HS3ST2: variants seen among roughly 807,000 people sequenced by gnomAD.
HS3ST2 encodes heparan sulfate glucosamine 3-O-sulfotransferase 2.
Under a neutral mutation model 26.3 loss-of-function variants are expected in HS3ST2, and 17 were observed. The ratio of observed to expected loss-of-function variants is 0.65; its 90% CI spans 0.44 to 0.97. HS3ST2 has a LOEUF of 0.97. Among genes scored for constraint, HS3ST2 ranks in the 50% least tolerant of loss-of-function variants. The pLI is 0.00. For synonymous variants in HS3ST2, 237 were observed against 219.2 expected (o/e 1.08, Z -0.72); for missense variants, 402 against 501.2 (o/e 0.80, Z 1.89).
At chr16:22,830,421 T>C (rs899607732) in intron 1 of HS3ST2, among the ~76,000 whole-genome samples, 1 of 152,150 alleles carries the variant, frequency 6.6e-6, no homozygotes, top group Non-Finnish European at 1.5e-5. Context: ...GGGTGCACCA[T>C]AAAGATCAGC....
At chr16:22,824,403 C>T (rs1043341671) in intron 1 of HS3ST2, among the ~76,000 whole-genome samples, 5 of 151,912 alleles carry the variant, frequency 3.3e-5, no homozygotes, top group Admixed American at 6.6e-5. Context: ...AAAAATTAGC[C>T]GGGCGTGGTG....
At chr16:22,864,506 G>A (rs1901720733) in intron 1 of HS3ST2, among the ~76,000 whole-genome samples, 1 of 152,192 alleles carries the variant, frequency 6.6e-6, no homozygotes, top group Admixed American at 6.5e-5. Context: ...AGCCAAGTGT[G>A]TGTAGCTGGT....
intron 1 of HS3ST2, among the ~76,000 whole-genome samples, chr16:22,853,236 A>G (rs1447604036): frequency 6.6e-6 from 1 of 152,122 alleles, no homozygotes; most frequent in Admixed American, 6.5e-5. Flanking sequence ...TCTGTCTCCT[A>G]TCACCAAAGA....
rs1465102323 is a variant in HS3ST2 at position 22,814,830 on chromosome 16, G to T, written c.220G>T (p.Asp74Tyr). The T allele has an allele frequency of 6.4e-7, 1 of 1,574,112 alleles. No individual in the cohort carries two copies. The highest frequency in any genetic ancestry group is 8.6e-7 in the Non-Finnish European group (1 of 1,160,702). ...ACTTCTCCAGAAGTCCCGCCCCTGT[G>T]ATCCCTCCGGGCCGACGCCCAGCGA... ...QKLLQKSRPCDPSGPTPSEPS... is the reference protein window; with the variant it reads ...QKLLQKSRPCYPSGPTPSEPS... Residue 74 changes from aspartate to tyrosine, a missense_variant, in exon 1 of 2, where the codon GAT becomes TAT. This residue lies in a region of HS3ST2 where 165 missense variants were observed against 154.6 expected (regional missense o/e 1.07). Coordinates refer to ENST00000261374, the MANE Select transcript of HS3ST2 (RefSeq NM_006043.2).
chr16:22,895,070 C>CTTTTTTT (rs55861016), intron 1 of HS3ST2, among the ~76,000 whole-genome samples: 1 of 134,712 alleles, frequency 7.4e-6, no homozygotes, highest in African/African-American at 2.7e-5. Context: ...TTCTTTCTTT[C>CTTTTTTT]TTTTTTTTTT....
At chr16:22,870,083 G>A (rs888839330) in intron 1 of HS3ST2, among the ~76,000 whole-genome samples, 1 of 152,166 alleles carries the variant, frequency 6.6e-6, no homozygotes, top group Non-Finnish European at 1.5e-5. Context: ...CTGAGGCTTA[G>A]AGAGAGATTT....
rs536039042 is a variant in HS3ST2 at position 22,844,896 on chromosome 16, C to T, written c.485+29801C>T. On this transcript the variant is annotated intron_variant, in intron 1 of 1. Transcript: ENST00000261374. ...TTGAGATGGAGTCTCAGTCTGTTGC[C>T]CAGGCTGGAGTGCAGTGGCGTGATC... 1.3e-4 allele frequency among the ~76,000 whole-genome samples: 19 copies of T among 151,810 alleles called. No homozygotes were observed. In the South Asian group the frequency reaches 3.8e-3, roughly 30 times the overall value.
intron 1 of HS3ST2, among the ~76,000 whole-genome samples, chr16:22,860,600 C>A (rs1221372509): frequency 6.6e-6 from 1 of 152,014 alleles, no homozygotes; most frequent in Non-Finnish European, 1.5e-5. Flanking sequence ...CAGGAATTGC[C>A]ATCTATTTTG....
At chr16:22,816,993 C>A (rs1567477698) in intron 1 of HS3ST2, among the ~76,000 whole-genome samples, 1 of 152,176 alleles carries the variant, frequency 6.6e-6, no homozygotes, top group Non-Finnish European at 1.5e-5. Flanking sequence ...ATACCTCAGG[C>A]TTCCATCCTG....
chr16:22,822,690 C>T (rs2141175048), intron 1 of HS3ST2, among the ~76,000 whole-genome samples: 1 of 151,978 alleles, frequency 6.6e-6, no homozygotes, highest in South Asian at 2.1e-4. Context: ...CCCATCTCTA[C>T]TAAAAATACA....
At chr16:22,839,096 C>T (rs930691529) in intron 1 of HS3ST2, among the ~76,000 whole-genome samples, 3 of 152,228 alleles carry the variant, frequency 2.0e-5, no homozygotes, top group Non-Finnish European at 4.4e-5. Flanking sequence ...TATTGAACAT[C>T]CTCAAACACC....
chr16:22,855,890 C>T (rs1435586979), intron 1 of HS3ST2, among the ~76,000 whole-genome samples: 2 of 152,186 alleles, frequency 1.3e-5, no homozygotes, highest in Non-Finnish European at 2.9e-5. Context: ...CTGATTGGGT[C>T]ACCTGCTCAT....
chr16:22,847,948 AGG>A (rs1901466024), intron 1 of HS3ST2, among the ~76,000 whole-genome samples: 1 of 151,476 alleles, frequency 6.6e-6, no homozygotes, highest in African/African-American at 2.4e-5. Context: ...GGAAGGAGGG[AGG>A]GAAGAAAAGA....
chr16:22,861,303 C>G (rs1239428776), intron 1 of HS3ST2, among the ~76,000 whole-genome samples: 2 of 151,992 alleles, frequency 1.3e-5, no homozygotes, highest in African/African-American at 4.8e-5. Flanking sequence ...GGGCCCATCT[C>G]TCTACTTTTG....
intron 1 of HS3ST2, among the ~76,000 whole-genome samples, chr16:22,904,511 C>G (rs139573653): frequency 2.6e-5 from 4 of 152,110 alleles, no homozygotes; most frequent in African/African-American, 7.2e-5. Flanking sequence ...AAAAAAACAC[C>G]TAACTCCTCC....
intron 1 of HS3ST2, among the ~76,000 whole-genome samples, chr16:22,836,420 G>A (rs1253038818): frequency 6.6e-6 from 1 of 152,172 alleles, no homozygotes; most frequent in Non-Finnish European, 1.5e-5. Flanking sequence ...CATGGCAGAA[G>A]ATGAAGAGGA....
chr16:22,833,472 T>C, intron 1 of HS3ST2: 1 of 381,816 alleles, frequency 2.6e-6, no homozygotes, highest in Non-Finnish European at 5.2e-6. Context: ...AGGAAATAGA[T>C]TAACAAAATG....
chr16:22,855,656 T>G (rs1901581117), intron 1 of HS3ST2, among the ~76,000 whole-genome samples: 3 of 151,236 alleles, frequency 2.0e-5, no homozygotes, highest in South Asian at 2.1e-4. Flanking sequence ...TCAGGAACAA[T>G]GCATCAGTTC....
chr16:22,908,075 T>C (rs567177627), intron 1 of HS3ST2, among the ~76,000 whole-genome samples: 75 of 152,256 alleles, frequency 4.9e-4, no homozygotes, highest in African/African-American at 1.8e-3. Context: ...TGCAGTAAGC[T>C]GAGACTGTGC....
Sources: allele counts gnomAD v4.1 joint callset (sites outside exome capture counted in the v4.1 genomes callset), GRCh38; gene constraint gnomAD v4.1.1; regional missense constraint gnomAD v4.1.1; transcripts MANE v1.5; gene names NCBI Gene and HGNC (gene_info 2026-07-23, HGNC 2026-07-21).